PCDHGA1: variants seen among roughly 807,000 people sequenced by gnomAD.
The protein encoded by PCDHGA1 is protocadherin gamma-A1.
Under a neutral mutation model 58.0 loss-of-function variants are expected in PCDHGA1, and 32 were observed. The ratio of observed to expected loss-of-function variants is 0.55; its 90% CI spans 0.42 to 0.74. The LOEUF (loss-of-function observed/expected upper bound fraction) is 0.74. PCDHGA1 is among the 30% of genes least tolerant of loss of function. The pLI is 0.00. For missense variants in PCDHGA1, 1,205 were observed against 1,182.3 expected (o/e 1.02, Z -0.28); for synonymous variants, 498 against 501.1 (o/e 0.99, Z 0.08).
chr5:141,340,325 T>C (rs1252963204), intron 1 of PCDHGA1: 1 of 1,614,078 alleles, frequency 6.2e-7, no homozygotes, highest in Admixed American at 1.7e-5. Context: ...CGCACCCGCC[T>C]TCTCCCGCAC....
In PCDHGA1 at chr5:141,505,419, C is replaced by T; in HGVS notation, c.2507C>T (p.Thr836Ile). 3 of 1,614,258 alleles carry T rather than the reference C, an allele frequency of 1.9e-6. No homozygotes were observed. Among genetic ancestry groups the T allele is most frequent in the Non-Finnish European group, 2.5e-6 (3 of 1,180,054 alleles). Residue 836 changes from threonine to isoleucine, a missense_variant, in exon 3 of 4, where the codon ACC becomes ATC. By Grantham distance (89) the Thr-to-Ile change is moderately conservative. Transcript: ENST00000517417. The part of the protein sequence containing the change: ...SGSQNGDDTG[T>I]WPNNQFDTEM... ...TCCCAAAATGGCGATGACACCGGCA[C>T]CTGGCCCAACAACCAGTTTGACACA...
intron 1 of PCDHGA1, chr5:141,350,889 C>G: frequency 6.2e-7 from 1 of 1,614,074 alleles, no homozygotes; most frequent in Non-Finnish European, 8.5e-7. Context: ...TTAATCCTGA[C>G]TGCCATGGAT....
In PCDHGA1 at chr5:141,346,118, G is replaced by A. The variant is rs772020580; in HGVS notation, c.2421+13013G>A. ...CGGACCTCACTCTGTACCTGGTGGT[G>A]GCGGTGGCCGCGGTCTCCTGCGTCT... On this transcript the variant is annotated intron_variant, in intron 1 of 3. Transcript: ENST00000517417. 19 of 1,613,796 alleles carry A rather than the reference G, an allele frequency of 1.2e-5. No individual in the cohort carries two copies. In the South Asian group the frequency reaches 1.3e-4, roughly 11 times the overall value.
Position 141,511,040 on chromosome 5 carries a change from C to T in PCDHGA1, c.2663C>T (p.Pro888Leu), listed in dbSNP as rs770767470. The T allele has an allele frequency of 6.2e-7, 1 of 1,614,216 alleles. No individual in the cohort carries two copies. The highest frequency in any genetic ancestry group is 1.7e-5 in the Admixed American group (1 of 60,034). Reference protein sequence around the residue: ...YGPQFTLQHVPDYRQNVYIPG... With the variant: ...YGPQFTLQHVLDYRQNVYIPG... ...CCCCAGTTCACCCTGCAGCACGTGC[C>T]CGACTACCGCCAGAATGTCTACATC... Residue 888 changes from proline (P) to leucine (L), a missense_variant, in exon 4 of 4, where the codon CCC becomes CTC. Physicochemically the swap from Pro to Leu is moderately conservative, Grantham distance 98. Transcript: ENST00000517417.
intron 1 of PCDHGA1, chr5:141,383,067 C>G: frequency 1.2e-6 from 2 of 1,613,822 alleles, no homozygotes; most frequent in South Asian, 1.1e-5. Flanking sequence ...GGCTGGAGCC[C>G]CGGGAGCTGG....
chr5:141,351,535 A>G (rs1432313028), intron 1 of PCDHGA1: 3 of 1,614,032 alleles, frequency 1.9e-6, no homozygotes, highest in Admixed American at 3.3e-5. Flanking sequence ...ACAAGGGCAA[A>G]CCAGCCCTTT....
chr5:141,485,982 A>G lies in PCDHGA1; in HGVS notation c.2422-8825A>G. 6.2e-7 allele frequency: 1 copy of G among 1,614,156 alleles called. No homozygotes were observed. The highest frequency in any genetic ancestry group is 8.5e-7 in the Non-Finnish European group (1 of 1,180,020). ...ATCCAGCTCAATGCCTCAGACCCGG[A>G]CCTGGGTCCCAGTGGTAACGTCACC... On this transcript the variant is annotated intron_variant, in intron 1 of 3. Coordinates refer to ENST00000517417, the MANE Select transcript of PCDHGA1 (RefSeq NM_018912.3). The surrounding 1 kb of genome is among the most constrained non-coding windows in gnomAD (Gnocchi z 5.7).
intron 1 of PCDHGA1, among the ~76,000 whole-genome samples, chr5:141,461,768 C>T (rs532591390): frequency 1.3e-5 from 2 of 152,016 alleles, no homozygotes; most frequent in African/African-American, 4.8e-5. Context: ...ATTCTCCTGC[C>T]TCAGCCTCCC....
At chr5:141,430,906 C>A (rs764039566) in intron 1 of PCDHGA1, 2 of 1,606,932 alleles carry the variant, frequency 1.2e-6, no homozygotes, top group Non-Finnish European at 1.7e-6. Flanking sequence ...GCGACATCTC[C>A]AGGGACCTGG....
At chr5:141,503,241 A>G (rs1399557839) in intron 2 of PCDHGA1, among the ~76,000 whole-genome samples, 1 of 152,074 alleles carries the variant, frequency 6.6e-6, no homozygotes, top group Non-Finnish European at 1.5e-5. Context: ...GACAGTTTCT[A>G]TCATACTCAC....
intron 1 of PCDHGA1, among the ~76,000 whole-genome samples, chr5:141,343,665 A>G (rs1271937533): frequency 2.6e-5 from 4 of 152,244 alleles, no homozygotes; most frequent in Non-Finnish European, 4.4e-5. Flanking sequence ...TATCGATTCA[A>G]TTATGTTCAA....
At chr5:141,391,253 T>C (rs1157052865) in intron 1 of PCDHGA1, 1 of 152,146 alleles carries the variant, frequency 6.6e-6, no homozygotes, top group Non-Finnish European at 1.5e-5. Flanking sequence ...AAGCAACTGC[T>C]TCAGTTAATG....
In PCDHGA1 at chr5:141,413,371, CGCGGAGT is replaced by C. The variant is rs765391000; in HGVS notation, c.2421+80267_2421+80273del. The C allele has an allele frequency of 3.7e-6, 6 of 1,613,848 alleles. No homozygotes were observed. In the African/African-American group the frequency reaches 8.0e-5, roughly 22 times the overall value. On this transcript the variant is annotated intron_variant, in intron 1 of 3. Coordinates refer to ENST00000517417, the MANE Select transcript of PCDHGA1 (RefSeq NM_018912.3). ...TCTGGCGCCCCGGGAGCTGGCGGAG[CGCGGAGT>C]CCGCATAGTCTCCAGAGGTAGGACG...
rs536041905 is a variant in PCDHGA1, at chr5:141,376,529, C to T, written c.2421+43424C>T. The T allele has an allele frequency of 9.9e-6, 16 of 1,613,656 alleles. No homozygotes were observed. The African/African-American group carries it at 2.0e-4, about 20-fold the overall frequency. ...TCAGGTGAGTTTCTTTCCGCCTAAG[C>T]GGGAAGAGTAATCTGATCTTCCCGC... is the stretch of plus-strand genomic sequence containing the variant. On this transcript the variant is annotated intron_variant, in intron 1 of 3. Transcript: ENST00000517417.
intron 1 of PCDHGA1, chr5:141,389,877 A>T: frequency 6.2e-7 from 1 of 1,614,088 alleles, no homozygotes; most frequent in South Asian, 1.1e-5. Context: ...CTTCGCCGAC[A>T]GCTTGCAGGA....
chr5:141,477,080 A>C lies in PCDHGA1; in HGVS notation c.2422-17727A>C. 1 of 1,614,254 alleles carries C rather than the reference A, an allele frequency of 6.2e-7. No homozygotes were observed. ...GGACACCAAACTCCATGAGATTTAC[A>C]TCCAGGCCAAAGACAAGGGCGCCAA... On this transcript the variant is annotated intron_variant, in intron 1 of 3. Coordinates refer to ENST00000517417, the MANE Select transcript of PCDHGA1 (RefSeq NM_018912.3). This position sits in a 1 kb window ranked among gnomAD's most constrained non-coding sequence, Gnocchi z 4.9.
chr5:141,481,200 T>A (rs977235584), intron 1 of PCDHGA1, among the ~76,000 whole-genome samples: 2 of 152,178 alleles, frequency 1.3e-5, no homozygotes, highest in Non-Finnish European at 2.9e-5. Flanking sequence ...CCAATTTTTT[T>A]AAAAAACATG....
intron 1 of PCDHGA1, among the ~76,000 whole-genome samples, chr5:141,368,592 A>T (rs1277512291): frequency 6.6e-6 from 1 of 152,198 alleles, no homozygotes; most frequent in South Asian, 2.1e-4. Flanking sequence ...TGTTTGGGAA[A>T]AAAGTAAAGG....
intron 1 of PCDHGA1, chr5:141,345,708 G>C: frequency 6.2e-7 from 1 of 1,614,208 alleles, no homozygotes; most frequent in Non-Finnish European, 8.5e-7. Context: ...GAACGACAAC[G>C]CGCCCGAGAT....
Sources: allele counts gnomAD v4.1 joint callset (sites outside exome capture counted in the v4.1 genomes callset), GRCh38; gene constraint gnomAD v4.1.1; non-coding constraint Gnocchi (gnomAD v3.1); transcripts MANE v1.5; gene names NCBI Gene and HGNC (gene_info 2026-07-23, HGNC 2026-07-21).